FCHSD2: variants seen among roughly 807,000 people sequenced by gnomAD.
The protein encoded by FCHSD2 is FCH and double SH3 domains 2, also known as F-BAR and double SH3 domains protein 2.
FCHSD2 carries 38 observed loss-of-function variants against 108.1 expected under a neutral mutation model. That is an observed-to-expected ratio of 0.35 (90% CI 0.27 to 0.46). The LOEUF is 0.46. FCHSD2 is among the 20% of genes least tolerant of loss of function. FCHSD2 has a pLI of 1.00. For synonymous variants in FCHSD2, 279 were observed against 314.7 expected (o/e 0.89, Z 1.20); for missense variants, 751 against 897.8 (o/e 0.84, Z 2.09).
At chr11:72,955,244 A>T (rs1856690815) in intron 8 of FCHSD2, among the ~76,000 whole-genome samples, 1 of 152,216 alleles carries the variant, frequency 6.6e-6, no homozygotes, top group African/African-American at 2.4e-5. Context: ...AGTTTGCTAT[A>T]GTGGGTCACA....
At chr11:72,905,773 C>T (rs549123297) in intron 9 of FCHSD2, among the ~76,000 whole-genome samples, 4 of 152,238 alleles carry the variant, frequency 2.6e-5, no homozygotes, top group African/African-American at 9.6e-5. Context: ...TGAACTCACC[C>T]CTTTTTATGG....
At chr11:73,025,995 T>TGTAC (rs1858220089) in intron 3 of FCHSD2, among the ~76,000 whole-genome samples, 1 of 127,774 alleles carries the variant, frequency 7.8e-6, no homozygotes, top group African/African-American at 3.4e-5. Context: ...ATTCATTTTA[T>TGTAC]GTATGTATGT....
intron 13 of FCHSD2, among the ~76,000 whole-genome samples, chr11:72,858,710 C>T (rs1353840413): frequency 1.3e-5 from 2 of 152,094 alleles, no homozygotes; most frequent in African/African-American, 4.8e-5. Context: ...TACAACCCCC[C>T]CATGACACAA....
At chr11:72,849,681 A>G in intron 14 of FCHSD2, 74 bp downstream of exon 14, 1 of 1,154,736 alleles carries the variant, frequency 8.7e-7, no homozygotes, top group East Asian at 2.4e-5. Flanking sequence ...AGCTTGAGAG[A>G]CTGGATGGAT....
chr11:73,104,730 G>A (rs554526642), intron 2 of FCHSD2, among the ~76,000 whole-genome samples: 22 of 151,932 alleles, frequency 1.4e-4, no homozygotes, highest in South Asian at 1.3e-3. Flanking sequence ...CACCGCACCC[G>A]GCTAATTTTT....
chr11:72,946,399 G>A (rs936057229), intron 8 of FCHSD2, among the ~76,000 whole-genome samples: 1 of 146,410 alleles, frequency 6.8e-6, no homozygotes, highest in Non-Finnish European at 1.5e-5. Context: ...CCTGTTGTGG[G>A]GTGGGGGAGG....
intron 8 of FCHSD2, among the ~76,000 whole-genome samples, chr11:72,966,779 T>C (rs1856915523): frequency 1.3e-5 from 2 of 152,122 alleles, no homozygotes; most frequent in African/African-American, 2.4e-5. Flanking sequence ...AATTATAAAT[T>C]ACAAGGATTA....
At chr11:73,031,620 AG>A (rs1224131036) in intron 3 of FCHSD2, among the ~76,000 whole-genome samples, 1 of 152,194 alleles carries the variant, frequency 6.6e-6, no homozygotes, top group Non-Finnish European at 1.5e-5. Context: ...AACTGAATGT[AG>A]TAAGTATCCT....
At chr11:73,097,926 G>A (rs768278520) in intron 2 of FCHSD2, among the ~76,000 whole-genome samples, 49 of 151,930 alleles carry the variant, frequency 3.2e-4, no homozygotes, top group Non-Finnish European at 3.5e-4. Flanking sequence ...CTCCTGCCTC[G>A]GCCTCCAACT....
At chr11:72,881,158 G>A (rs982648428) in intron 12 of FCHSD2, among the ~76,000 whole-genome samples, 2 of 152,156 alleles carry the variant, frequency 1.3e-5, no homozygotes, top group Non-Finnish European at 2.9e-5. Context: ...GAATATACAC[G>A]GAACTCAAAC....
chr11:73,141,730 G>T, intron 1 of FCHSD2, 127 bp downstream of exon 1: 1 of 1,015,640 alleles, frequency 9.8e-7, no homozygotes, highest in Non-Finnish European at 1.4e-6. Flanking sequence ...GCGGCAAGTC[G>T]GTGACAAGCC....
intron 8 of FCHSD2, among the ~76,000 whole-genome samples, chr11:72,945,915 TG>T (rs1486048572): frequency 2.0e-5 from 3 of 152,204 alleles, no homozygotes; most frequent in Non-Finnish European, 2.9e-5. Context: ...GGAGGGGATG[TG>T]GAGAAATAGG....
intron 5 of FCHSD2, among the ~76,000 whole-genome samples, chr11:72,994,351 C>T (rs1857480295): frequency 1.3e-5 from 2 of 150,392 alleles, no homozygotes; most frequent in African/African-American, 2.4e-5. Context: ...CAGGTATTAT[C>T]ACATTTAGTC....
chr11:73,022,618 C>T (rs531161448), intron 3 of FCHSD2, among the ~76,000 whole-genome samples: 43 of 152,260 alleles, frequency 2.8e-4, no homozygotes, highest in Non-Finnish European at 5.3e-4. Flanking sequence ...GAGAGACATT[C>T]CATGTTAATG....
chr11:73,098,237 T>C (rs920808375), intron 2 of FCHSD2, among the ~76,000 whole-genome samples: 3 of 152,180 alleles, frequency 2.0e-5, no homozygotes, highest in Non-Finnish European at 2.9e-5. Context: ...AGCGTAAGTT[T>C]TGGTATTGTA....
intron 13 of FCHSD2, among the ~76,000 whole-genome samples, chr11:72,866,113 C>A (rs935647773): frequency 6.6e-6 from 1 of 152,098 alleles, no homozygotes; most frequent in African/African-American, 2.4e-5. Flanking sequence ...TGGAAACAGT[C>A]CTGCTGTAGA....
At chr11:72,862,933 AT>A (rs559219442) in intron 13 of FCHSD2, among the ~76,000 whole-genome samples, 12 of 150,568 alleles carry the variant, frequency 8.0e-5, no homozygotes, top group South Asian at 2.1e-4. Flanking sequence ...TATATGATTA[AT>A]TTTTTTTTTA....
At chr11:73,006,480 T>C (rs931270643) in intron 4 of FCHSD2, among the ~76,000 whole-genome samples, 1 of 152,160 alleles carries the variant, frequency 6.6e-6, no homozygotes, top group Non-Finnish European at 1.5e-5. Context: ...AAATCCTGTT[T>C]GCTAGACTTA....
chr11:73,056,371 G>C (rs1859025509), intron 3 of FCHSD2, among the ~76,000 whole-genome samples: 1 of 152,094 alleles, frequency 6.6e-6, no homozygotes, highest in Admixed American at 6.5e-5. Flanking sequence ...TACTGCTAGG[G>C]AATACCGGTA....
Sources: gnomAD v4.1 joint callset for allele counts (sites outside exome capture counted in the v4.1 genomes callset) on GRCh38, gnomAD v4.1.1 for gene constraint, MANE v1.5 for transcripts, NCBI Gene and HGNC (gene_info 2026-07-23, HGNC 2026-07-21) for gene names.